FBXO11: variants seen among roughly 807,000 people sequenced by gnomAD.
The protein encoded by FBXO11 is F-box only protein 11.
In FBXO11, 13 loss-of-function variants were observed where a neutral mutation model predicts 117.0. The ratio of observed to expected loss-of-function variants is 0.11; its 90% CI spans 0.07 to 0.18. The LOEUF is 0.18. Among genes scored for constraint, FBXO11 ranks in the 10% least tolerant of loss-of-function variants. The pLI, the probability that FBXO11 is intolerant of heterozygous loss-of-function variation, is 1.00. For synonymous variants in FBXO11, 490 were observed against 380.5 expected, an observed-to-expected ratio of 1.29 and a Z score of -3.35; for missense variants, 767 against 1,164.4, an observed-to-expected ratio of 0.66 and a Z score of 4.97.
At chr2:47,865,410 C>G (rs1273125021) in intron 1 of FBXO11, among the ~76,000 whole-genome samples, 1 of 152,194 alleles carries the variant, frequency 6.6e-6, no homozygotes, top group Non-Finnish European at 1.5e-5. Flanking sequence ...CCTTCTTCAC[C>G]CTTTCTGCTT....
intron 1 of FBXO11, among the ~76,000 whole-genome samples, chr2:47,890,728 C>T (rs946715990): frequency 6.6e-6 from 1 of 151,870 alleles, no homozygotes; most frequent in Non-Finnish European, 1.5e-5. Context: ...TTCTTGAACT[C>T]GGGAGGCAGA....
At chr2:47,880,358 G>A (rs1416212703) in intron 1 of FBXO11, among the ~76,000 whole-genome samples, 2 of 152,102 alleles carry the variant, frequency 1.3e-5, no homozygotes, top group Non-Finnish European at 2.9e-5. Context: ...AAAATTATAA[G>A]AAGACTTCTA....
chr2:47,874,215 A>G (rs927644580), intron 1 of FBXO11, among the ~76,000 whole-genome samples: 1 of 152,068 alleles, frequency 6.6e-6, no homozygotes, highest in Non-Finnish European at 1.5e-5. Flanking sequence ...CTGTCTCAAA[A>G]ATAAATAATA....
chr2:47,834,758 T>G, intron 6 of FBXO11, 30 bp downstream of exon 6: 1 of 1,609,164 alleles, frequency 6.2e-7, no homozygotes, highest in Non-Finnish European at 8.5e-7. Flanking sequence ...GATTACCATT[T>G]TAAGTCATAA....
intron 1 of FBXO11, among the ~76,000 whole-genome samples, chr2:47,882,473 A>G (rs1252376391): frequency 6.6e-6 from 1 of 152,016 alleles, no homozygotes; most frequent in Non-Finnish European, 1.5e-5. Context: ...CACTTGTTCT[A>G]CTGTCATGTT....
At chr2:47,828,912 A>G (rs537778542) in intron 11 of FBXO11, among the ~76,000 whole-genome samples, 4 of 152,282 alleles carry the variant, frequency 2.6e-5, no homozygotes, top group Middle Eastern at 3.4e-3. Context: ...TGAATATGCC[A>G]TGAATTTTTT....
At chr2:47,861,015 T>A (rs1369183313) in intron 1 of FBXO11, among the ~76,000 whole-genome samples, 3 of 151,898 alleles carry the variant, frequency 2.0e-5, no homozygotes, top group Non-Finnish European at 4.4e-5. Context: ...TACGTCCAGC[T>A]AAGTTTGTAT....
chr2:47,865,314 G>A (rs1223822745), intron 1 of FBXO11, among the ~76,000 whole-genome samples: 6 of 152,192 alleles, frequency 3.9e-5, no homozygotes, highest in African/African-American at 1.2e-4. Context: ...CATCTGACTA[G>A]GTTTTGGCCA....
chr2:47,895,546 A>C (rs778694859), intron 1 of FBXO11, among the ~76,000 whole-genome samples: 3 of 152,228 alleles, frequency 2.0e-5, no homozygotes, highest in Non-Finnish European at 2.9e-5. Flanking sequence ...GTAGTGCTTT[A>C]TTCCTTGCTG....
intron 1 of FBXO11, among the ~76,000 whole-genome samples, chr2:47,857,815 G>C (rs1408097202): frequency 6.6e-6 from 1 of 152,104 alleles, no homozygotes. Flanking sequence ...ATATTTTTTA[G>C]GCAAGCCTGT....
At chr2:47,814,169 C>T (rs1572766821) in intron 16 of FBXO11, 2 of 274,288 alleles carry the variant, frequency 7.3e-6, no homozygotes, top group East Asian at 7.9e-5. Context: ...ACAGGCATGC[C>T]TTGGAGATAA....
chr2:47,899,986 G>T (rs1269909160), intron 1 of FBXO11, among the ~76,000 whole-genome samples: 1 of 152,040 alleles, frequency 6.6e-6, no homozygotes, highest in African/African-American at 2.4e-5. Context: ...CAAACTAGGG[G>T]TTCTCACTAA....
At chr2:47,840,009 T>C (rs1672890824) in intron 1 of FBXO11, among the ~76,000 whole-genome samples, 1 of 151,790 alleles carries the variant, frequency 6.6e-6, no homozygotes, top group African/African-American at 2.4e-5. Flanking sequence ...AGTGGCGCAA[T>C]CTCGGCTCAC....
intron 12 of FBXO11, 100 bp from the exon 13 acceptor site, chr2:47,822,403 A>G (rs1671456262): frequency 1.5e-6 from 1 of 687,598 alleles, no homozygotes; most frequent in Admixed American, 3.3e-5. Flanking sequence ...AACAAATTAC[A>G]TAAACTTCTA....
intron 1 of FBXO11, among the ~76,000 whole-genome samples, chr2:47,889,831 G>T (rs983972413): frequency 1.3e-5 from 2 of 152,112 alleles, no homozygotes; most frequent in Non-Finnish European, 2.9e-5. Context: ...CACCTGTTGT[G>T]ATCAACATTA....
intron 1 of FBXO11, among the ~76,000 whole-genome samples, chr2:47,890,955 C>T (rs1164378909): frequency 6.6e-6 from 1 of 151,914 alleles, no homozygotes; most frequent in Non-Finnish European, 1.5e-5. Flanking sequence ...GCAGTTGGGA[C>T]CACAGGCATG....
chr2:47,869,533 C>T (rs1675458509), intron 1 of FBXO11, among the ~76,000 whole-genome samples: 1 of 152,170 alleles, frequency 6.6e-6, no homozygotes, highest in Non-Finnish European at 1.5e-5. Context: ...TACAACAACC[C>T]AATTCAGGTG....
intron 1 of FBXO11, among the ~76,000 whole-genome samples, chr2:47,843,899 C>T (rs1279692206): frequency 6.6e-6 from 1 of 152,042 alleles, no homozygotes; most frequent in African/African-American, 2.4e-5. Context: ...CGCCACTACG[C>T]CCGGCTAATT....
rs1346351366 is a variant in FBXO11, at chr2:47,807,202, T to TTTGTCTA, written c.*909_*915dup. 1 of 267,552 alleles carries TTTGTCTA rather than the reference T, an allele frequency of 3.7e-6. No homozygotes were observed. Among genetic ancestry groups the TTTGTCTA allele is most frequent in the Non-Finnish European group, 7.2e-6 (1 of 139,626 alleles). 16.6% of individuals were successfully genotyped at this position (267,552 alleles called of 1,614,324 possible). A position where few individuals can be genotyped will look rare whatever the true frequency, so the allele number is the denominator to read the frequency against. On this transcript the variant is annotated 3_prime_UTR_variant, in exon 23 of 23. Coordinates refer to ENST00000403359, the MANE Select transcript of FBXO11 (RefSeq NM_001190274.2). The stretch of plus-strand genomic sequence containing the variant: ...GGAAATTGGTTTAATTTCCAGCAGT[T>TTTGTCTA]TTGTCTAAACTGTTCAAAAAAAAAC...
Sources: allele counts gnomAD v4.1 joint callset (sites outside exome capture counted in the v4.1 genomes callset), GRCh38; gene constraint gnomAD v4.1.1; transcripts MANE v1.5; gene names NCBI Gene and HGNC (gene_info 2026-07-23, HGNC 2026-07-21).